The following SCMH1 variants were observed in gnomAD, a reference collection of about 807,000 sequenced individuals.
The protein encoded by SCMH1 is Scm polycomb group protein homolog 1, also known as polycomb protein SCMH1.
Under a neutral mutation model 70.8 loss-of-function variants are expected in SCMH1, and 37 were observed. That is an observed-to-expected ratio of 0.52 (90% CI 0.40 to 0.69). The LOEUF (loss-of-function observed/expected upper bound fraction) is 0.69. Among genes scored for constraint, SCMH1 ranks in the 30% least tolerant of loss-of-function variants. SCMH1 has a pLI of 0.00. For missense variants in SCMH1, 607 were observed against 827.3 expected, an observed-to-expected ratio of 0.73 and a Z score of 3.27; for synonymous variants, 292 against 307.4, an observed-to-expected ratio of 0.95 and a Z score of 0.52.
At chr1:41,054,935 C>T (rs1649681729) in intron 10 of SCMH1, among the ~76,000 whole-genome samples, 2 of 152,184 alleles carry the variant, frequency 1.3e-5, no homozygotes, top group Non-Finnish European at 2.9e-5. Flanking sequence ...AGGTGTGCAT[C>T]ATCATGCCCA....
intron 1 of SCMH1, among the ~76,000 whole-genome samples, chr1:41,236,202 A>G (rs1277157022): frequency 6.6e-6 from 1 of 152,236 alleles, no homozygotes; most frequent in Non-Finnish European, 1.5e-5. Context: ...ATAGCCAAAG[A>G]GCACAGGGGT....
At chr1:41,105,309 A>T (rs1268710303) in intron 8 of SCMH1, among the ~76,000 whole-genome samples, 1 of 152,098 alleles carries the variant, frequency 6.6e-6, no homozygotes, top group Non-Finnish European at 1.5e-5. Context: ...AGATGCGAGT[A>T]GTATTCTTAT....
chr1:41,098,695 A>T (rs1665749360), intron 8 of SCMH1: 1 of 174,310 alleles, frequency 5.7e-6, no homozygotes, highest in Non-Finnish European at 1.3e-5. Context: ...AGCCAAAGCA[A>T]GGCCTTTGAG....
chr1:41,048,835 CTTCTT>C lies in SCMH1; in HGVS notation c.1156_1160del (p.Lys386GlyfsTer6). ...CAAAATGGTCAGGGAGTTGCTGGAC[CTTCTT>C]CTTATCTAAGTGGGGGCCTGTGCTG... is the stretch of plus-strand genomic sequence containing the variant. On this transcript the variant is annotated frameshift_variant, in exon 11 of 15. Transcript: ENST00000337495. LOFTEE classifies it high-confidence loss of function. 6.2e-7 allele frequency: 1 copy of C among 1,614,174 alleles called. No individual in the cohort carries two copies. The highest frequency in any genetic ancestry group is 8.5e-7 in the Non-Finnish European group (1 of 1,180,034).
chr1:41,082,206 C>A (rs990791673), intron 8 of SCMH1, among the ~76,000 whole-genome samples: 1 of 151,798 alleles, frequency 6.6e-6, no homozygotes, highest in Non-Finnish European at 1.5e-5. Flanking sequence ...CAAAATATTT[C>A]TCTTAATCAA....
chr1:41,077,412 G>A (rs34979067), intron 8 of SCMH1, among the ~76,000 whole-genome samples: 16,515 of 152,134 alleles, frequency 0.11, 1,276 homozygotes, highest in East Asian at 0.28. Flanking sequence ...CAGCACATTG[G>A]AACTTCAAAG....
At chr1:41,125,578 AT>A (rs945431831) in intron 6 of SCMH1, among the ~76,000 whole-genome samples, 21 of 142,548 alleles carry the variant, frequency 1.5e-4, no homozygotes, top group Admixed American at 1.4e-4. Context: ...TCCAACTTTA[AT>A]TTTTTTTTTT....
intron 8 of SCMH1, among the ~76,000 whole-genome samples, chr1:41,100,544 G>A (rs1055653312): frequency 6.8e-6 from 1 of 146,430 alleles, no homozygotes; most frequent in Non-Finnish European, 1.5e-5. Context: ...TGAGGTCATA[G>A]GATAGCCTTT....
intron 8 of SCMH1, among the ~76,000 whole-genome samples, chr1:41,096,679 ACT>A (rs1665161612): frequency 6.6e-6 from 1 of 152,068 alleles, no homozygotes; most frequent in South Asian, 2.1e-4. Flanking sequence ...GGACCCTGAA[ACT>A]CTGCTCCTGT....
At chr1:41,101,782 T>C (rs1404826309) in intron 8 of SCMH1, among the ~76,000 whole-genome samples, 2 of 149,668 alleles carry the variant, frequency 1.3e-5, no homozygotes, top group Non-Finnish European at 3.0e-5. Context: ...GAGTCAACTA[T>C]CATACTTGGA....
intron 8 of SCMH1, among the ~76,000 whole-genome samples, chr1:41,086,417 GAC>G (rs1661688264): frequency 6.6e-6 from 1 of 152,130 alleles, no homozygotes; most frequent in African/African-American, 2.4e-5. Context: ...ACTGCTGAAA[GAC>G]ACACAAGTAG....
chr1:41,058,061 G>A (rs1322424678), intron 10 of SCMH1, among the ~76,000 whole-genome samples: 4 of 149,980 alleles, frequency 2.7e-5, no homozygotes, highest in African/African-American at 9.8e-5. Context: ...AGCTGAGGCT[G>A]CAGTGAGCTG....
rs955617994 is a variant in SCMH1, at chr1:41,037,357, C to G, written c.1678+5G>C. The G allele has an allele frequency of 6.2e-7, 1 of 1,613,494 alleles. No homozygotes were observed. The highest frequency in any genetic ancestry group is 1.3e-5 in the African/African-American group (1 of 75,026). Reference sequence around the variant, plus strand: ...GAAGGAGGGCCAGGACTCTGGTAAGCTTACCCCTGGAGCATAGCCTGCGCA... The same window carrying G: ...GAAGGAGGGCCAGGACTCTGGTAAGGTTACCCCTGGAGCATAGCCTGCGCA... On this transcript the variant is annotated splice_donor_5th_base_variant and intron_variant, in intron 13 of 14. Transcript: ENST00000337495.
intron 1 of SCMH1, among the ~76,000 whole-genome samples, chr1:41,195,573 T>G (rs1234150372): frequency 6.6e-6 from 1 of 152,034 alleles, no homozygotes; most frequent in Admixed American, 6.6e-5. Flanking sequence ...TTCAACATAA[T>G]AAAGGCCATA....
In SCMH1 at chr1:41,100,365, G is replaced by A. The variant is rs534744996; in HGVS notation, c.745+12918C>T. ...TATAAATTACCATTTCTACCCCCTA[G>A]GCAGCAAAAAAAATTAACTACCAGA... On this transcript the variant is annotated intron_variant, in intron 8 of 14. Transcript: ENST00000337495. Among the ~76,000 whole-genome samples the A allele has an allele frequency of 2.0e-4, 30 of 151,794 alleles. No individual in the cohort carries two copies. In the South Asian group the frequency reaches 6.2e-3, roughly 32 times the overall value.
At chr1:41,160,352 T>G (rs1367194226) in intron 4 of SCMH1, among the ~76,000 whole-genome samples, 1 of 152,198 alleles carries the variant, frequency 6.6e-6, no homozygotes, top group East Asian at 1.9e-4. Flanking sequence ...TACTCAAATC[T>G]TAGTCCTGAA....
intron 8 of SCMH1, among the ~76,000 whole-genome samples, chr1:41,089,983 G>T (rs1274216389): frequency 6.6e-6 from 1 of 151,266 alleles, no homozygotes; most frequent in Non-Finnish European, 1.5e-5. Flanking sequence ...GTAGAGATGA[G>T]GTTTTGCCAT....
chr1:41,232,506 T>C (rs1194230099), intron 1 of SCMH1, among the ~76,000 whole-genome samples: 4 of 152,280 alleles, frequency 2.6e-5, no homozygotes, highest in Middle Eastern at 3.4e-3. Flanking sequence ...CAGAATTACA[T>C]AACACTGCTG....
At chr1:41,232,492 G>C (rs993975759) in intron 1 of SCMH1, among the ~76,000 whole-genome samples, 1 of 152,158 alleles carries the variant, frequency 6.6e-6, no homozygotes, top group Non-Finnish European at 1.5e-5. Context: ...TACTGATAAA[G>C]TCTCAGAATT....
Sources: gnomAD v4.1 joint callset for allele counts (sites outside exome capture counted in the v4.1 genomes callset) on GRCh38, gnomAD v4.1.1 for gene constraint, MANE v1.5 for transcripts, NCBI Gene and HGNC (gene_info 2026-07-23, HGNC 2026-07-21) for gene names.